The following MELK variants were observed in gnomAD, a reference collection of about 807,000 sequenced individuals.
MELK encodes the protein maternal embryonic leucine zipper kinase, also known as pEg3 kinase.
Under a neutral mutation model 85.0 loss-of-function variants are expected in MELK, and 81 were observed. The ratio of observed to expected loss-of-function variants is 0.95; its 90% CI spans 0.80 to 1.15. The LOEUF is 1.15. Ranked by LOEUF, MELK falls within the 50% of genes most tolerant of loss-of-function variation. The pLI is 0.00. For synonymous variants in MELK, 252 were observed against 265.0 expected (o/e 0.95, Z 0.48); for missense variants, 754 against 777.5 (o/e 0.97, Z 0.36).
At chr9:36,627,053 AACACACACACACACAC>A (rs10608377) in intron 8 of MELK, among the ~76,000 whole-genome samples, 2 of 140,872 alleles carry the variant, frequency 1.4e-5, no homozygotes, top group African/African-American at 2.6e-5. Flanking sequence ...CACAAGCGCA[AACACACACACACACAC>A]ACACACACAC....
intron 12 of MELK, among the ~76,000 whole-genome samples, chr9:36,656,879 A>C (rs952014857): frequency 2.6e-5 from 4 of 152,284 alleles, no homozygotes; most frequent in Middle Eastern, 3.4e-3. Flanking sequence ...AGCCTTCCAA[A>C]GTGCTGGGAT....
At chr9:36,625,640 A>G (rs1034783515) in intron 8 of MELK, among the ~76,000 whole-genome samples, 19 of 152,266 alleles carry the variant, frequency 1.2e-4, no homozygotes, top group African/African-American at 4.1e-4. Flanking sequence ...ACAAACTTTG[A>G]GCCAGCTAGG....
intron 10 of MELK, among the ~76,000 whole-genome samples, chr9:36,635,166 C>T (rs749706454): frequency 2.6e-5 from 4 of 151,966 alleles, no homozygotes; most frequent in Non-Finnish European, 4.4e-5. Flanking sequence ...GGCTTCTTTT[C>T]GAACTATGGG....
intron 13 of MELK, among the ~76,000 whole-genome samples, chr9:36,660,231 C>CT (rs1221733067): frequency 2.0e-5 from 3 of 152,110 alleles, no homozygotes; most frequent in African/African-American, 7.2e-5. Context: ...TATTCTCTAA[C>CT]TTTTTTTTCA....
At chr9:36,655,667 G>T (rs1195552017) in intron 12 of MELK, among the ~76,000 whole-genome samples, 1 of 152,176 alleles carries the variant, frequency 6.6e-6, no homozygotes, top group East Asian at 1.9e-4. Context: ...GGGGTGATAT[G>T]TGTGCTATTA....
intron 8 of MELK, among the ~76,000 whole-genome samples, chr9:36,618,959 A>ATTT (rs60381894): frequency 7.1e-6 from 1 of 141,628 alleles, no homozygotes. Flanking sequence ...AACTCTAAGT[A>ATTT]TTTTTTTTTT....
At chr9:36,601,016 A>G (rs2135624520) in intron 7 of MELK, among the ~76,000 whole-genome samples, 1 of 152,200 alleles carries the variant, frequency 6.6e-6, no homozygotes, top group South Asian at 2.1e-4. Flanking sequence ...ATGTTTATAT[A>G]TATGCATGTT....
At position 36,614,933 on chromosome 9, in the gene MELK, G is replaced by A. The variant is rs1175296291; in HGVS notation, c.666+7260G>A. Reference sequence around the variant, plus strand: ...AAAGCCCCCATTGTCATCCTGGCCCGTTCTCAATGAGCTGTTGGGCACACC... The same window carrying A: ...AAAGCCCCCATTGTCATCCTGGCCCATTCTCAATGAGCTGTTGGGCACACC... On this transcript the variant is annotated intron_variant, in intron 8 of 17. Coordinates refer to ENST00000298048, the MANE Select transcript of MELK (RefSeq NM_014791.4). Among the ~76,000 whole-genome samples the A allele has an allele frequency of 1.3e-3, 192 of 147,906 alleles. 1 individual carries two copies. Among genetic ancestry groups the A allele is most frequent in the African/African-American group, 4.2e-3 (167 of 39,454 alleles).
At chr9:36,600,844 A>G (rs895092582) in intron 7 of MELK, among the ~76,000 whole-genome samples, 78 of 152,332 alleles carry the variant, frequency 5.1e-4, no homozygotes, top group African/African-American at 1.7e-3. Context: ...ATACCAGGTT[A>G]CTTCATAAAA....
At chr9:36,597,339 T>G in intron 6 of MELK, 49 bp downstream of exon 6, 4 of 1,500,588 alleles carry the variant, frequency 2.7e-6, no homozygotes, top group Non-Finnish European at 3.7e-6. Context: ...ATGCATTTAT[T>G]TCTTAGTGTG....
intron 10 of MELK, among the ~76,000 whole-genome samples, chr9:36,639,967 T>C (rs557972879): frequency 1.3e-5 from 2 of 152,354 alleles, no homozygotes; most frequent in African/African-American, 4.8e-5. Context: ...GTGTCTAGGC[T>C]TCTGAGGTTG....
Position 36,630,362 on chromosome 9 carries a change from C to T in MELK, c.730C>T (p.Leu244=). Residue 244 remains leucine (L), a synonymous_variant, in exon 9 of 18, where the codon CTG becomes TTG. Coordinates refer to ENST00000298048, the MANE Select transcript of MELK (RefSeq NM_014791.4). ...PSSILLLQQM[L]QVDPKKRISM... ...TAGCATTCTGCTTCTTCAACAAATG[C>T]TGCAGGTAAACTTTATTTTTAAATA... 6.2e-7 allele frequency: 1 copy of T among 1,603,054 alleles called. No homozygotes were observed. Among genetic ancestry groups the T allele is most frequent in the Non-Finnish European group, 8.5e-7 (1 of 1,172,008 alleles).
At chr9:36,625,244 GCT>G in intron 8 of MELK, among the ~76,000 whole-genome samples, 1 of 152,140 alleles carries the variant, frequency 6.6e-6, no homozygotes, top group East Asian at 1.9e-4. Context: ...CACATAGGAA[GCT>G]CTTTGTTCCA....
At chr9:36,592,172 CTTTTTT>C (rs35073009) in intron 4 of MELK, among the ~76,000 whole-genome samples, 1 of 117,326 alleles carries the variant, frequency 8.5e-6, no homozygotes, top group African/African-American at 3.4e-5. Flanking sequence ...CATTTCTTTT[CTTTTTT>C]TTTTTTTTTT....
intron 4 of MELK, among the ~76,000 whole-genome samples, chr9:36,593,131 CTT>C (rs1212643693): frequency 1.3e-5 from 2 of 149,128 alleles, no homozygotes; most frequent in East Asian, 1.9e-4. Flanking sequence ...GTCTTAATAA[CTT>C]AGTACTGGAC....
At chr9:36,654,252 A>G (rs1459776519) in intron 12 of MELK, among the ~76,000 whole-genome samples, 1 of 151,804 alleles carries the variant, frequency 6.6e-6, no homozygotes, top group African/African-American at 2.4e-5. Context: ...TTAGATACGT[A>G]TACCTCTATG....
chr9:36,641,855 C>T (rs1394380229), intron 10 of MELK, among the ~76,000 whole-genome samples: 1 of 152,156 alleles, frequency 6.6e-6, no homozygotes, highest in Admixed American at 6.5e-5. Context: ...GATCCACCCA[C>T]CTCGGCCTCC....
intron 13 of MELK, among the ~76,000 whole-genome samples, chr9:36,663,994 G>T (rs548090267): frequency 2.6e-5 from 4 of 152,044 alleles, no homozygotes; most frequent in Non-Finnish European, 5.9e-5. Context: ...TTCATTTTCT[G>T]TTTCCTTCAA....
chr9:36,651,855 C>T lies in MELK; in HGVS notation c.1031C>T (p.Ala344Val). The change falls in exon 12 of 18, where the codon GCT (alanine) becomes GTT (valine). Residue 344 changes from alanine (A) to valine (V), a missense_variant. By Grantham distance (64) the Ala-to-Val change is moderately conservative. Coordinates refer to ENST00000298048, the MANE Select transcript of MELK (RefSeq NM_014791.4). ...LSSFSCGQAS[A>V]TPFTDIKSNN... ...TCTTTCTCCTGTGGACAAGCCAGTG[C>T]TACCCCATTCACAGACATCAAGGTA... is the stretch of plus-strand genomic sequence containing the variant. The T allele has an allele frequency of 5.6e-6, 9 of 1,613,810 alleles. No individual in the cohort carries two copies. Among genetic ancestry groups the T allele is most frequent in the Non-Finnish European group, 7.6e-6 (9 of 1,179,882 alleles).
Sources: gnomAD v4.1 joint callset for allele counts (sites outside exome capture counted in the v4.1 genomes callset) on GRCh38, gnomAD v4.1.1 for gene constraint, MANE v1.5 for transcripts, NCBI Gene and HGNC (gene_info 2026-07-23, HGNC 2026-07-21) for gene names.